UBASH3B: variants seen among roughly 807,000 people sequenced by gnomAD.
The protein encoded by UBASH3B is ubiquitin associated and SH3 domain containing B.
In UBASH3B, 37 loss-of-function variants were observed where a neutral mutation model predicts 83.4. The observed-to-expected ratio is 0.44, with a 90% CI of 0.34 to 0.58. The LOEUF (loss-of-function observed/expected upper bound fraction) is 0.58. UBASH3B is among the 20% of genes least tolerant of loss of function. The pLI is 0.01. For missense variants in UBASH3B, 657 were observed against 827.2 expected, an observed-to-expected ratio of 0.79 and a Z score of 2.52; for synonymous variants, 304 against 318.3, an observed-to-expected ratio of 0.96 and a Z score of 0.48.
At chr11:122,793,660 A>C (rs1861099013) in intron 6 of UBASH3B, among the ~76,000 whole-genome samples, 1 of 152,362 alleles carries the variant, frequency 6.6e-6, no homozygotes, top group African/African-American at 2.4e-5. Context: ...GGAAGTCTTA[A>C]CTATTGACAA....
rs555732897 is a variant in UBASH3B, at chr11:122,732,227, T to C, written c.162-43992T>C. ...TGGTACCCCCACAGAAGCCAGGGTC[T>C]GAGCTAAAAGCAGATGGAAGCAGAC... On this transcript the variant is annotated intron_variant, in intron 1 of 13. Coordinates refer to ENST00000284273, the MANE Select transcript of UBASH3B (RefSeq NM_032873.5). Among the ~76,000 whole-genome samples the C allele has an allele frequency of 1.8e-4, 28 of 152,274 alleles. No individual in the cohort carries two copies. The South Asian group carries it at 4.8e-3, about 26-fold the overall frequency.
In UBASH3B at chr11:122,743,046, C is replaced by G. The variant is rs1361875582; in HGVS notation, c.162-33173C>G. ...CCTGTGGCAGCTCTCTGTTCCTCCT[C>G]TCTTTAGTCTTCTCTCCTTTCAGCG... is the stretch of plus-strand genomic sequence containing the variant. On this transcript the variant is annotated intron_variant, in intron 1 of 13. Coordinates refer to ENST00000284273, the MANE Select transcript of UBASH3B (RefSeq NM_032873.5). Among the ~76,000 whole-genome samples the G allele has an allele frequency of 2.0e-5, 3 of 152,298 alleles. No individual in the cohort carries two copies. The East Asian group carries it at 5.8e-4, about 30-fold the overall frequency.
At chr11:122,684,060 A>G (rs947093812) in intron 1 of UBASH3B, among the ~76,000 whole-genome samples, 1 of 152,162 alleles carries the variant, frequency 6.6e-6, no homozygotes, top group Non-Finnish European at 1.5e-5. Context: ...TTGACCAAAA[A>G]CTCTTGATAA....
intron 1 of UBASH3B, chr11:122,726,231 A>C (rs1015222929): frequency 1.3e-5 from 2 of 156,460 alleles, no homozygotes; most frequent in Non-Finnish European, 2.9e-5. Context: ...ATATACCGAC[A>C]TCGTAACAAG....
chr11:122,678,650 TG>T (rs1466514528), intron 1 of UBASH3B, among the ~76,000 whole-genome samples: 1 of 151,928 alleles, frequency 6.6e-6, no homozygotes, highest in Non-Finnish European at 1.5e-5. Context: ...AGGAGCTGAT[TG>T]ACCCTTGTGC....
At chr11:122,779,372 G>T in intron 3 of UBASH3B, 125 bp from the exon 4 acceptor site, 1 of 967,856 alleles carries the variant, frequency 1.0e-6, no homozygotes, top group Non-Finnish European at 1.6e-6. Flanking sequence ...ACAGACAGGG[G>T]TAGTGGTTAA....
chr11:122,769,653 T>A (rs1860608828), intron 1 of UBASH3B, among the ~76,000 whole-genome samples: 1 of 152,242 alleles, frequency 6.6e-6, no homozygotes, highest in African/African-American at 2.4e-5. Flanking sequence ...CAAAAGGCTG[T>A]GGTATTTCTA....
intron 9 of UBASH3B, among the ~76,000 whole-genome samples, chr11:122,798,709 CAAA>C (rs11433996): frequency 6.8e-5 from 8 of 118,474 alleles, no homozygotes; most frequent in African/African-American, 1.6e-4. Flanking sequence ...GACTCCATCT[CAAA>C]AAAAAAAAAA....
intron 6 of UBASH3B, among the ~76,000 whole-genome samples, chr11:122,793,638 A>G (rs907283565): frequency 3.3e-5 from 5 of 152,222 alleles, no homozygotes; most frequent in Admixed American, 3.3e-4. Context: ...TGTTTATTAG[A>G]TAAAGCTTTG....
At chr11:122,679,659 T>C (rs1452804880) in intron 1 of UBASH3B, among the ~76,000 whole-genome samples, 1 of 152,228 alleles carries the variant, frequency 6.6e-6, no homozygotes, top group East Asian at 1.9e-4. Flanking sequence ...CCATATGGTC[T>C]CCATGGTGGC....
At chr11:122,703,198 T>C (rs1194419520) in intron 1 of UBASH3B, among the ~76,000 whole-genome samples, 7 of 151,862 alleles carry the variant, frequency 4.6e-5, no homozygotes, top group Non-Finnish European at 1.0e-4. Context: ...GAGGCTGAGG[T>C]GGGCGGATCA....
At position 122,778,753 on chromosome 11, in the gene UBASH3B, C is replaced by T. The variant is rs554218287; in HGVS notation, c.403-744C>T. 9.9e-5 allele frequency among the ~76,000 whole-genome samples: 15 copies of T among 151,830 alleles called. 1 individual carries two copies. Among genetic ancestry groups the T allele is most frequent in the African/African-American group, 2.9e-4 (12 of 41,384 alleles). On this transcript the variant is annotated intron_variant, in intron 3 of 13. Transcript: ENST00000284273. Reference sequence around the variant, plus strand: ...CCAAGTAGCTGGGATTATAGGCGTCCGCCACCATGTCTGGCTAATTTTTGT... The same window carrying T: ...CCAAGTAGCTGGGATTATAGGCGTCTGCCACCATGTCTGGCTAATTTTTGT...
rs1861464681 is a variant in UBASH3B, at chr11:122,812,367, A to G, written c.*2481A>G. ...ACTGCAACTGAGAAATTATTTGTAA[A>G]TCATGTGGCATCTATGTATAATAAA... is the stretch of plus-strand genomic sequence containing the variant. On this transcript the variant is annotated 3_prime_UTR_variant, in exon 14 of 14. Transcript: ENST00000284273. 1 of 152,246 alleles carries G rather than the reference A, an allele frequency of 6.6e-6. No homozygotes were observed. Among genetic ancestry groups the G allele is most frequent in the South Asian group, 2.1e-4 (1 of 4,834 alleles). The allele number at this position is 152,246 out of a possible 1,614,324, so 9.4% of individuals were successfully genotyped here.
intron 1 of UBASH3B, among the ~76,000 whole-genome samples, chr11:122,665,714 G>C (rs1363953500): frequency 1.3e-5 from 2 of 152,208 alleles, no homozygotes; most frequent in African/African-American, 4.8e-5. Flanking sequence ...CAATTACAGT[G>C]GTGGGGAGCC....
At chr11:122,732,693 C>A (rs760738113) in intron 1 of UBASH3B, among the ~76,000 whole-genome samples, 1 of 152,172 alleles carries the variant, frequency 6.6e-6, no homozygotes, top group Non-Finnish European at 1.5e-5. Flanking sequence ...CTTTCCACCC[C>A]CAACAACCCT....
rs1861460455 is a variant in UBASH3B, at chr11:122,812,170, T to C, written c.*2284T>C. 6.6e-6 allele frequency: 1 copy of C among 152,212 alleles called. No homozygotes were observed. Among genetic ancestry groups the C allele is most frequent in the African/African-American group, 2.4e-5 (1 of 41,456 alleles). The allele number at this position is 152,212 out of a possible 1,614,324, so 9.4% of individuals were successfully genotyped here. On this transcript the variant is annotated 3_prime_UTR_variant, in exon 14 of 14. Transcript: ENST00000284273. ...AATGGTCTATATAAGCAAAAGGAGA[T>C]AGAGATCTGAAATAATTTTCCGAAT...
At chr11:122,770,060 G>A (rs994131487) in intron 1 of UBASH3B, among the ~76,000 whole-genome samples, 1 of 152,204 alleles carries the variant, frequency 6.6e-6, no homozygotes, top group Non-Finnish European at 1.5e-5. Flanking sequence ...TCATCCACTT[G>A]AAGGATTACA....
At chr11:122,791,831 A>G (rs1861059251) in intron 6 of UBASH3B, among the ~76,000 whole-genome samples, 1 of 152,196 alleles carries the variant, frequency 6.6e-6, no homozygotes, top group African/African-American at 2.4e-5. Context: ...GTCCCTCCTA[A>G]GGAAATATGT....
At chr11:122,771,793 A>ACACAC (rs1860650957) in intron 1 of UBASH3B, among the ~76,000 whole-genome samples, 1 of 150,452 alleles carries the variant, frequency 6.6e-6, no homozygotes, top group African/African-American at 2.4e-5. Context: ...ACACACACTA[A>ACACAC]AATAATAATC....
Sources: allele counts gnomAD v4.1 joint callset (sites outside exome capture counted in the v4.1 genomes callset), GRCh38; gene constraint gnomAD v4.1.1; transcripts MANE v1.5; gene names NCBI Gene and HGNC (gene_info 2026-07-23, HGNC 2026-07-21).